PRKCB: variants seen among roughly 807,000 people sequenced by gnomAD.
PRKCB encodes the protein protein kinase C beta type.
A neutral mutation model predicts 81.5 loss-of-function variants in PRKCB; 13 were observed. That is an observed-to-expected ratio of 0.16 (90% CI 0.10 to 0.25). PRKCB has a LOEUF of 0.25. Among genes scored for constraint, PRKCB ranks in the 10% least tolerant of loss-of-function variants. PRKCB has a pLI of 1.00. For synonymous variants in PRKCB, 335 were observed against 321.4 expected, an observed-to-expected ratio of 1.04 and a Z score of -0.45; for missense variants, 509 against 875.7, an observed-to-expected ratio of 0.58 and a Z score of 5.29.
chr16:24,190,961 A>G, intron 15 of PRKCB, 129 bp from the exon 16 acceptor site: 1 of 1,251,282 alleles, frequency 8.0e-7, no homozygotes, highest in Non-Finnish European at 1.1e-6. Context: ...ATAAAAAGCA[A>G]AAAACAAAAA....
intron 3 of PRKCB, among the ~76,000 whole-genome samples, chr16:24,025,532 T>C (rs1178315980): frequency 6.6e-6 from 1 of 152,230 alleles, no homozygotes; most frequent in African/African-American, 2.4e-5. Flanking sequence ...GAGAGTATAA[T>C]GATGAGCAAA....
intron 2 of PRKCB, among the ~76,000 whole-genome samples, chr16:23,922,863 A>T (rs934206345): frequency 3.9e-5 from 6 of 152,180 alleles, no homozygotes; most frequent in Non-Finnish European, 7.4e-5. Flanking sequence ...CATGAGCCAC[A>T]CTCAGTGGCT....
chr16:24,202,257 T>C (rs1050517865), intron 16 of PRKCB, among the ~76,000 whole-genome samples: 12 of 152,184 alleles, frequency 7.9e-5, no homozygotes, highest in Non-Finnish European at 1.8e-4. Flanking sequence ...ATTACTACCC[T>C]ACCTTACTTT....
chr16:24,178,792 A>G (rs756770429), intron 12 of PRKCB, among the ~76,000 whole-genome samples: 6 of 152,200 alleles, frequency 3.9e-5, no homozygotes. Flanking sequence ...CCCCACAGAC[A>G]CAGATAGGAG....
chr16:23,929,945 C>G (rs139190442), intron 2 of PRKCB, among the ~76,000 whole-genome samples: 1 of 151,856 alleles, frequency 6.6e-6, no homozygotes, highest in African/African-American at 2.4e-5. Flanking sequence ...TGACTCTTCC[C>G]CCGGGACCCC....
At chr16:24,086,858 C>T (rs1036571098) in intron 5 of PRKCB, among the ~76,000 whole-genome samples, 4 of 152,106 alleles carry the variant, frequency 2.6e-5, no homozygotes, top group African/African-American at 9.7e-5. Context: ...GTAGAAAATG[C>T]ATTTTACTGT....
At chr16:23,958,193 T>C (rs1285885116) in intron 2 of PRKCB, among the ~76,000 whole-genome samples, 1 of 152,118 alleles carries the variant, frequency 6.6e-6, no homozygotes, top group East Asian at 1.9e-4. Context: ...GGTTTCGCCA[T>C]GTTGGCCAGG....
At chr16:24,135,085 A>G (rs1966860495) in intron 9 of PRKCB, among the ~76,000 whole-genome samples, 1 of 152,134 alleles carries the variant, frequency 6.6e-6, no homozygotes. Context: ...ATTTAAAAAA[A>G]AAAATTAAAG....
chr16:24,092,682 C>T, intron 5 of PRKCB, 109 bp from the exon 6 acceptor site: 7 of 1,085,338 alleles, frequency 6.4e-6, no homozygotes, highest in Non-Finnish European at 9.2e-6. Flanking sequence ...AAATTTCTCA[C>T]TAAACAAGTG....
chr16:24,066,533 G>A (rs559444170), intron 5 of PRKCB, among the ~76,000 whole-genome samples: 9 of 152,204 alleles, frequency 5.9e-5, no homozygotes, highest in Admixed American at 1.3e-4. Flanking sequence ...TTATTAACAC[G>A]TTACATGACC....
At chr16:24,064,656 T>A (rs1166020557) in intron 5 of PRKCB, among the ~76,000 whole-genome samples, 1 of 152,152 alleles carries the variant, frequency 6.6e-6, no homozygotes, top group East Asian at 1.9e-4. Context: ...CTTGTTCTGT[T>A]ACTGAAAGAA....
chr16:24,158,182 C>T (rs1967192354), intron 10 of PRKCB, among the ~76,000 whole-genome samples: 1 of 152,184 alleles, frequency 6.6e-6, no homozygotes, highest in Non-Finnish European at 1.5e-5. Flanking sequence ...GAGCAGATCC[C>T]CTTCCATCTC....
intron 2 of PRKCB, among the ~76,000 whole-genome samples, chr16:23,925,627 A>T (rs1963886608): frequency 6.6e-6 from 1 of 152,092 alleles, no homozygotes; most frequent in Non-Finnish European, 1.5e-5. Context: ...AAATTTTTTA[A>T]AAAAAGTTTT....
chr16:23,857,674 G>T (rs1301156298), intron 2 of PRKCB, among the ~76,000 whole-genome samples: 1 of 152,070 alleles, frequency 6.6e-6, no homozygotes, highest in East Asian at 1.9e-4. Context: ...ATGAAATCCG[G>T]GCTAGGCTTG....
intron 9 of PRKCB, among the ~76,000 whole-genome samples, chr16:24,129,474 G>C (rs1374658977): frequency 6.6e-6 from 1 of 151,566 alleles, no homozygotes; most frequent in Non-Finnish European, 1.5e-5. Context: ...AAAAAAAAAC[G>C]AAGTGACTCT....
At chr16:24,072,927 G>C (rs1490312465) in intron 5 of PRKCB, among the ~76,000 whole-genome samples, 2 of 152,142 alleles carry the variant, frequency 1.3e-5, no homozygotes, top group African/African-American at 4.8e-5. Flanking sequence ...AAACTATTCA[G>C]TAGCTCAAGT....
intron 3 of PRKCB, among the ~76,000 whole-genome samples, chr16:24,018,582 G>A (rs1456374542): frequency 6.6e-6 from 1 of 152,196 alleles, no homozygotes; most frequent in African/African-American, 2.4e-5. Context: ...ATATTGACAT[G>A]GACTGCAGTG....
intron 3 of PRKCB, among the ~76,000 whole-genome samples, chr16:23,999,688 A>G (rs1306957588): frequency 6.6e-6 from 1 of 152,182 alleles, no homozygotes; most frequent in East Asian, 1.9e-4. Context: ...CATAAGCATT[A>G]CTTATGGACA....
chr16:23,886,282 G>C (rs1399256687), intron 2 of PRKCB, among the ~76,000 whole-genome samples: 6 of 151,882 alleles, frequency 4.0e-5, no homozygotes, highest in Non-Finnish European at 8.8e-5. Flanking sequence ...GGTTCTCCTT[G>C]ATTCTTTTAC....
Sources: gnomAD v4.1 joint callset for allele counts (sites outside exome capture counted in the v4.1 genomes callset) on GRCh38, gnomAD v4.1.1 for gene constraint, MANE v1.5 for transcripts, NCBI Gene and HGNC (gene_info 2026-07-23, HGNC 2026-07-21) for gene names.